Variants in R3HDM2 observed in about 807,000 individuals in gnomAD.
R3HDM2 encodes the protein R3H domain-containing protein 2.
A neutral mutation model predicts 124.5 loss-of-function variants in R3HDM2; 38 were observed. The ratio of observed to expected loss-of-function variants is 0.31; its 90% CI spans 0.24 to 0.40. The LOEUF is 0.40. R3HDM2 is among the 10% of genes least tolerant of loss of function. R3HDM2 has a pLI of 1.00. For synonymous variants in R3HDM2, 391 were observed against 448.0 expected, an observed-to-expected ratio of 0.87 and a Z score of 1.61; for missense variants, 869 against 1,236.9, an observed-to-expected ratio of 0.70 and a Z score of 4.46.
intron 1 of R3HDM2, among the ~76,000 whole-genome samples, chr12:57,417,386 A>G (rs908671824): frequency 7.0e-6 from 1 of 142,338 alleles, no homozygotes; most frequent in African/African-American, 2.5e-5. Context: ...TTCCATTTCA[A>G]AAAAAAAAAA....
chr12:57,264,327 G>A (rs1282436292), intron 19 of R3HDM2, among the ~76,000 whole-genome samples: 2 of 149,118 alleles, frequency 1.3e-5, no homozygotes, highest in Non-Finnish European at 1.5e-5. Context: ...AGGCCGAGGC[G>A]GGCGGATCAC....
chr12:57,416,708 T>C (rs1594621489), intron 1 of R3HDM2, among the ~76,000 whole-genome samples: 1 of 151,936 alleles, frequency 6.6e-6, no homozygotes, highest in East Asian at 1.9e-4. Flanking sequence ...CTCGAGAGGA[T>C]GAGGCAGGAA....
chr12:57,390,876 G>A (rs1220372677), intron 2 of R3HDM2, among the ~76,000 whole-genome samples: 1 of 152,034 alleles, frequency 6.6e-6, no homozygotes, highest in African/African-American at 2.4e-5. Context: ...GCCAGGTGTG[G>A]TGGTGGTTGC....
intron 21 of R3HDM2, 122 bp from the exon 22 acceptor site, chr12:57,256,633 A>C: frequency 1.5e-6 from 1 of 684,854 alleles, no homozygotes; most frequent in Non-Finnish European, 2.4e-6. Flanking sequence ...TATGATGGAA[A>C]TGCCCATGCG....
At chr12:57,404,178 C>T (rs1478344994) in intron 1 of R3HDM2, among the ~76,000 whole-genome samples, 1 of 146,428 alleles carries the variant, frequency 6.8e-6, no homozygotes, top group Non-Finnish European at 1.5e-5. Flanking sequence ...GATTCTCCTG[C>T]CTCATCCTCC....
chr12:57,396,777 CAA>C (rs35199480), intron 1 of R3HDM2, among the ~76,000 whole-genome samples: 1,190 of 104,844 alleles, frequency 0.011, 10 homozygotes, highest in East Asian at 0.011. Flanking sequence ...GACTCTGTCT[CAA>C]AAAAAAAAAA....
At chr12:57,347,070 C>T (rs1043854846) in intron 2 of R3HDM2, among the ~76,000 whole-genome samples, 2 of 151,934 alleles carry the variant, frequency 1.3e-5, no homozygotes, top group African/African-American at 4.8e-5. Context: ...CATAGCGAGA[C>T]CCTATCTGTA....
intron 3 of R3HDM2, among the ~76,000 whole-genome samples, chr12:57,306,701 C>T (rs2052659482): frequency 6.6e-6 from 1 of 152,066 alleles, no homozygotes; most frequent in South Asian, 2.1e-4. Context: ...AGCCACCGCG[C>T]CTGGCCTCCA....
chr12:57,284,060 C>T lies in R3HDM2; in HGVS notation c.939-4G>A. 1 of 1,587,716 alleles carries T rather than the reference C, an allele frequency of 6.3e-7. No individual in the cohort carries two copies. Among genetic ancestry groups the T allele is most frequent in the Non-Finnish European group, 8.6e-7 (1 of 1,167,176 alleles). ...GCTCAGTCCTTCACGGTTCCCCCTGCAGAGACCATAGTGGTCAGAGCACCT... is the reference window on the plus strand; with the variant it reads ...GCTCAGTCCTTCACGGTTCCCCCTGTAGAGACCATAGTGGTCAGAGCACCT... On this transcript the variant is annotated splice_polypyrimidine_tract_variant and splice_region_variant and intron_variant, in intron 12 of 23. Transcript: ENST00000402412.
intron 10 of R3HDM2, 48 bp downstream of exon 10, chr12:57,295,351 C>G (rs1018040604): frequency 1.5e-5 from 20 of 1,316,748 alleles, no homozygotes; most frequent in African/African-American, 2.9e-5. Context: ...TTCCCAGTTT[C>G]TCTTACTGCA....
intron 14 of R3HDM2, among the ~76,000 whole-genome samples, chr12:57,273,231 A>C (rs2043979278): frequency 6.6e-6 from 1 of 152,166 alleles, no homozygotes; most frequent in African/African-American, 2.4e-5. Context: ...CCCCCCAAGC[A>C]AACAGGAAGG....
intron 6 of R3HDM2, among the ~76,000 whole-genome samples, chr12:57,298,589 T>C (rs2050396725): frequency 6.6e-6 from 1 of 152,032 alleles, no homozygotes; most frequent in Non-Finnish European, 1.5e-5. Flanking sequence ...TTTTATGGAC[T>C]ATGTCTTTTT....
At chr12:57,303,942 A>G (rs1360066252) in intron 3 of R3HDM2, among the ~76,000 whole-genome samples, 1 of 152,210 alleles carries the variant, frequency 6.6e-6, no homozygotes, top group Non-Finnish European at 1.5e-5. Context: ...CACAGCATGA[A>G]AGAGTGTTTT....
At chr12:57,284,333 T>C (rs1377458503) in intron 12 of R3HDM2, among the ~76,000 whole-genome samples, 2 of 152,198 alleles carry the variant, frequency 1.3e-5, no homozygotes, top group African/African-American at 2.4e-5. Context: ...GGAAACCATA[T>C]ACATGATGCT....
intron 11 of R3HDM2, among the ~76,000 whole-genome samples, chr12:57,290,226 G>A (rs960926943): frequency 4.6e-5 from 7 of 152,188 alleles, no homozygotes; most frequent in African/African-American, 1.7e-4. Context: ...TTTGCTAATG[G>A]CTATCATAGT....
At chr12:57,268,830 A>T in intron 17 of R3HDM2, 92 bp downstream of exon 17, 2 of 1,422,824 alleles carry the variant, frequency 1.4e-6, no homozygotes, top group East Asian at 4.6e-5. Flanking sequence ...CTATTTTAGT[A>T]TTGGAGTTTT....
At chr12:57,413,248 C>G (rs201235867) in intron 1 of R3HDM2, among the ~76,000 whole-genome samples, 1 of 152,078 alleles carries the variant, frequency 6.6e-6, no homozygotes, top group Non-Finnish European at 1.5e-5. Context: ...AATATCCCAT[C>G]TCCCATGGCA....
At chr12:57,358,700 G>A (rs916070852) in intron 2 of R3HDM2, among the ~76,000 whole-genome samples, 1 of 151,802 alleles carries the variant, frequency 6.6e-6, no homozygotes, top group Non-Finnish European at 1.5e-5. Context: ...CCCAAGATAT[G>A]GTCTATTTTA....
chr12:57,413,839 T>TC lies in R3HDM2; in HGVS notation c.-106+16880dup, dbSNP rs1287369914. On this transcript the variant is annotated intron_variant, in intron 1 of 23. Coordinates refer to ENST00000402412, the MANE Select transcript of R3HDM2 (RefSeq NM_001394031.1). Reference sequence around the variant, plus strand: ...GACACAGAGAGTCTTAGATCTGTAATCCCCCCCCTTTTTTTTTTTTTTTTT... The same window carrying TC: ...GACACAGAGAGTCTTAGATCTGTAATCCCCCCCCCTTTTTTTTTTTTTTTTT... Among the ~76,000 whole-genome samples the TC allele has an allele frequency of 4.8e-3, 494 of 103,456 alleles. 2 individuals are homozygous for TC. The highest frequency in any genetic ancestry group is 0.016 in the African/African-American group (454 of 28,656). The allele number at this position is 103,456 out of a possible 152,430, so 67.9% of individuals were successfully genotyped here. A position where few individuals can be genotyped will look rare whatever the true frequency, so the allele number is the denominator to read the frequency against.
Sources: allele counts gnomAD v4.1 joint callset (sites outside exome capture counted in the v4.1 genomes callset), GRCh38; gene constraint gnomAD v4.1.1; transcripts MANE v1.5; gene names NCBI Gene and HGNC (gene_info 2026-07-23, HGNC 2026-07-21).